Variants in MED14 observed in about 807,000 individuals in gnomAD.
The protein encoded by MED14 is mediator complex subunit 14.
A neutral mutation model predicts 109.0 loss-of-function variants in MED14; 8 were observed. That is an observed-to-expected ratio of 0.07 (90% CI 0.04 to 0.13). The LOEUF is 0.13. Among genes scored for constraint, MED14 ranks in the 10% least tolerant of loss-of-function variants. The probability of loss-of-function intolerance (pLI) is 1.00; values close to 1 mark genes in which losing one functional copy is unlikely to be tolerated. For missense variants in MED14, 711 were observed against 1,142.4 expected, an observed-to-expected ratio of 0.62 and a Z score of 5.44; for synonymous variants, 399 against 408.7, an observed-to-expected ratio of 0.98 and a Z score of 0.29.
chrX:40,729,109 G>A (rs1483492681), intron 2 of MED14, among the ~76,000 whole-genome samples: 2 of 111,574 alleles, frequency 1.8e-5, no homozygotes, highest in Non-Finnish European at 3.8e-5. Context: ...TTGTAGAACA[G>A]AAGATTTAGA....
chrX:40,701,993 T>C (rs1299651893), intron 11 of MED14, among the ~76,000 whole-genome samples: 3 of 111,081 alleles, frequency 2.7e-5, no homozygotes, highest in Non-Finnish European at 5.7e-5. Flanking sequence ...GTAGCAGACT[T>C]ATAAGAACGG....
intron 24 of MED14, 146 bp downstream of exon 24, chrX:40,666,574 T>A (rs763489420): frequency 9.7e-5 from 59 of 609,504 alleles, no homozygotes; most frequent in Non-Finnish European, 1.5e-4. Context: ...TGGGATTAGA[T>A]AAATTTGATT....
intron 26 of MED14, among the ~76,000 whole-genome samples, chrX:40,661,336 C>T (rs944268472): frequency 2.8e-5 from 3 of 106,805 alleles, no homozygotes; most frequent in African/African-American, 1.1e-4. Flanking sequence ...CCTGCCTCAG[C>T]CTCCCAAAGT....
chrX:40,664,199 G>A (rs1213060802), intron 25 of MED14, 108 bp downstream of exon 25: 1 of 706,884 alleles, frequency 1.4e-6, no homozygotes, highest in Non-Finnish European at 2.1e-6. Flanking sequence ...TATCCTTTAA[G>A]TATCCTCTCT....
intron 12 of MED14, among the ~76,000 whole-genome samples, chrX:40,697,533 T>C (rs1270175761): frequency 8.9e-6 from 1 of 111,795 alleles, no homozygotes; most frequent in Admixed American, 9.5e-5. Flanking sequence ...ATAGCCCCAG[T>C]TTTTAAATTG....
chrX:40,649,928 T>A lies in MED14; in HGVS notation c.*1878A>T, dbSNP rs11549699. ...AAAAGAGTGTCCACTGAATGCATCATGTGTAAAAATGCAATTAACATTTCA... is the reference window on the plus strand; with the variant it reads ...AAAAGAGTGTCCACTGAATGCATCAAGTGTAAAAATGCAATTAACATTTCA... On this transcript the variant is annotated 3_prime_UTR_variant, in exon 31 of 31. Transcript: ENST00000324817. 3.3e-3 allele frequency: 2,475 copies of A among 753,226 alleles called. 41 individuals are homozygous for A. In the African/African-American group the frequency reaches 0.052, roughly 16 times the overall value. The allele number at this position is 753,226 out of a possible 1,213,427, so 62.1% of individuals were successfully genotyped here.
chrX:40,693,900 GGTTT>G (rs1191008757), intron 13 of MED14, among the ~76,000 whole-genome samples: 1 of 110,726 alleles, frequency 9.0e-6, no homozygotes, highest in Non-Finnish European at 1.9e-5. Context: ...CTGTGAAGTA[GGTTT>G]GTTTGTTTTT....
intron 25 of MED14, 22 bp from the exon 26 acceptor site, chrX:40,663,182 T>C: frequency 9.1e-7 from 1 of 1,100,992 alleles, no homozygotes; most frequent in South Asian, 1.9e-5. Flanking sequence ...GAAAACATGT[T>C]ATGTCATTTA....
chrX:40,701,296 TTATC>T (rs1555995532), intron 11 of MED14, 53 bp from the exon 12 acceptor site: 8 of 768,814 alleles, frequency 1.0e-5, no homozygotes, highest in South Asian at 2.7e-5. Context: ...AACAAAATCT[TTATC>T]TAGGTAGTGT....
chrX:40,679,609 T>C (rs757719284), intron 21 of MED14, among the ~76,000 whole-genome samples: 4 of 112,481 alleles, frequency 3.6e-5, no homozygotes, highest in Non-Finnish European at 3.8e-5. Flanking sequence ...AAATTGTTTT[T>C]AGTATCTTCA....
chrX:40,724,312 A>C (rs1225300324), intron 3 of MED14, among the ~76,000 whole-genome samples: 1 of 112,691 alleles, frequency 8.9e-6, no homozygotes, highest in East Asian at 2.7e-4. Context: ...CATGGAACTT[A>C]ATCTGCACTG....
chrX:40,675,211 T>C lies in MED14; in HGVS notation c.3021+10A>G. ...ATGTGATACCACTTGGAATTCTGGC[T>C]AGATATTACCTGTTGCTGGGGTGGT... is the stretch of plus-strand genomic sequence containing the variant. On this transcript the variant is annotated intron_variant, in intron 22 of 30. Coordinates refer to ENST00000324817, the MANE Select transcript of MED14 (RefSeq NM_004229.4). The C allele has an allele frequency of 8.7e-7, 1 of 1,154,507 alleles. No homozygotes were observed. The highest frequency in any genetic ancestry group is 1.2e-6 in the Non-Finnish European group (1 of 868,814).
At chrX:40,662,156 G>A (rs1354736751) in intron 26 of MED14, among the ~76,000 whole-genome samples, 11 of 111,634 alleles carry the variant, frequency 9.9e-5, no homozygotes, top group African/African-American at 3.3e-4. Flanking sequence ...GTGAGCCACC[G>A]TGCCCGTCCT....
intron 3 of MED14, chrX:40,726,542 T>A (rs1032158932): frequency 1.4e-5 from 5 of 356,313 alleles, no homozygotes; most frequent in Non-Finnish European, 2.5e-5. Flanking sequence ...TAATGATGTC[T>A]CCAGCTATCT....
intron 25 of MED14, 88 bp downstream of exon 25, chrX:40,664,219 G>T: frequency 1.2e-6 from 1 of 867,997 alleles, no homozygotes; most frequent in Non-Finnish European, 1.6e-6. Context: ...TCAAAAAGTA[G>T]GTCATGACTT....
At chrX:40,701,528 T>C (rs995340041) in intron 11 of MED14, among the ~76,000 whole-genome samples, 1 of 112,013 alleles carries the variant, frequency 8.9e-6, no homozygotes, top group East Asian at 2.8e-4. Context: ...TCTTTGCCTA[T>C]ATTTTAATTC....
At chrX:40,670,653 C>A (rs376904249) in intron 23 of MED14, among the ~76,000 whole-genome samples, 3 of 108,966 alleles carry the variant, frequency 2.8e-5, no homozygotes, top group Non-Finnish European at 5.7e-5. Context: ...CCCAGCTACT[C>A]GGGAGGCTGA....
chrX:40,681,651 G>A (rs1320159782), intron 19 of MED14, among the ~76,000 whole-genome samples: 1 of 111,537 alleles, frequency 9.0e-6, no homozygotes, highest in Non-Finnish European at 1.9e-5. Context: ...CCCCATCATA[G>A]GGTATTATTT....
At chrX:40,674,230 T>G (rs1232842391) in intron 22 of MED14, among the ~76,000 whole-genome samples, 1 of 111,390 alleles carries the variant, frequency 9.0e-6, no homozygotes, top group Non-Finnish European at 1.9e-5. Context: ...AGGCCTTTAC[T>G]GAGCTTCCCT....
Sources: allele counts gnomAD v4.1 joint callset (sites outside exome capture counted in the v4.1 genomes callset), GRCh38; gene constraint gnomAD v4.1.1; transcripts MANE v1.5; gene names NCBI Gene and HGNC (gene_info 2026-07-23, HGNC 2026-07-21).